The following CTNNA2 variants were observed in gnomAD, a reference collection of about 807,000 sequenced individuals.
The protein encoded by CTNNA2 is catenin alpha 2.
Under a neutral mutation model 101.0 loss-of-function variants are expected in CTNNA2, and 42 were observed. The observed-to-expected ratio is 0.42, with a 90% CI of 0.32 to 0.54. CTNNA2 has a LOEUF of 0.54. Among genes scored for constraint, CTNNA2 ranks in the 20% least tolerant of loss-of-function variants. The probability of loss-of-function intolerance (pLI) is 0.14; values close to 1 mark genes in which losing one functional copy is unlikely to be tolerated. For synonymous variants in CTNNA2, 450 were observed against 456.4 expected, an observed-to-expected ratio of 0.99 and a Z score of 0.18; for missense variants, 871 against 1,223.1, an observed-to-expected ratio of 0.71 and a Z score of 4.29.
At chr2:79,729,977 C>A (rs1041237661) in intron 2 of CTNNA2, among the ~76,000 whole-genome samples, 1 of 152,098 alleles carries the variant, frequency 6.6e-6, no homozygotes, top group Non-Finnish European at 1.5e-5. Context: ...GTATGTCCTG[C>A]ATACTGTAAT....
intron 7 of CTNNA2, among the ~76,000 whole-genome samples, chr2:80,110,248 A>G (rs1478091011): frequency 6.6e-6 from 1 of 152,170 alleles, no homozygotes; most frequent in Non-Finnish European, 1.5e-5. Context: ...ACAATCATTG[A>G]GTGGGTATCT....
chr2:79,908,896 G>C (rs562242753), intron 6 of CTNNA2, among the ~76,000 whole-genome samples: 5 of 152,272 alleles, frequency 3.3e-5, no homozygotes, highest in African/African-American at 9.6e-5. Context: ...CTAAAACTTG[G>C]CTGGGGAAAT....
intron 3 of CTNNA2, among the ~76,000 whole-genome samples, chr2:79,324,726 TACACACTACACACACAC>T (rs149341465): frequency 0.11 from 16,950 of 151,022 alleles, 1,141 homozygotes; most frequent in Middle Eastern, 0.22. Context: ...ACACACCCAC[TACACACTACACACACAC>T]ACACACGTAC....
chr2:79,531,281 T>G (rs1573261907), intron 1 of CTNNA2, among the ~76,000 whole-genome samples: 1 of 149,844 alleles, frequency 6.7e-6, no homozygotes, highest in East Asian at 2.0e-4. Context: ...TCTTAGTTTA[T>G]TCTTTCATTT....
At chr2:79,911,312 G>A (rs191566282) in intron 7 of CTNNA2, among the ~76,000 whole-genome samples, 208 of 152,296 alleles carry the variant, frequency 1.4e-3, no homozygotes, top group African/African-American at 4.9e-3. Flanking sequence ...TTTACATTAA[G>A]GCACGCTAGT....
chr2:79,382,071 G>GT (rs1678045861), intron 4 of CTNNA2, among the ~76,000 whole-genome samples: 1 of 152,092 alleles, frequency 6.6e-6, no homozygotes, highest in Admixed American at 6.6e-5. Flanking sequence ...ACCCTCACTA[G>GT]TGGGGGTAGG....
chr2:80,118,794 G>T (rs1701668563), intron 7 of CTNNA2, among the ~76,000 whole-genome samples: 1 of 152,218 alleles, frequency 6.6e-6, no homozygotes. Flanking sequence ...AGGCAGAAAG[G>T]CCTGTAGGGG....
chr2:79,602,158 G>T (rs1190046014), intron 1 of CTNNA2, among the ~76,000 whole-genome samples: 2 of 152,166 alleles, frequency 1.3e-5, no homozygotes, highest in South Asian at 4.1e-4. Context: ...AGACCATCTA[G>T]AGTTATAGGT....
At chr2:79,826,093 G>A (rs1054942715) in intron 3 of CTNNA2, among the ~76,000 whole-genome samples, 8 of 152,138 alleles carry the variant, frequency 5.3e-5, no homozygotes, top group Non-Finnish European at 4.4e-5. Flanking sequence ...TGGCGTATAT[G>A]TTAGCAAGTA....
intron 7 of CTNNA2, among the ~76,000 whole-genome samples, chr2:80,230,037 T>G (rs1473911173): frequency 6.6e-6 from 1 of 152,156 alleles, no homozygotes; most frequent in Non-Finnish European, 1.5e-5. Context: ...AATTTTCAGT[T>G]GAATAACATG....
chr2:79,285,503 C>T (rs369259114), intron 2 of CTNNA2, among the ~76,000 whole-genome samples: 14 of 136,792 alleles, frequency 1.0e-4, no homozygotes, highest in East Asian at 4.3e-4. Flanking sequence ...GCCTTCATTT[C>T]GTTATGTACC....
At chr2:79,246,873 G>A (rs1426342089) in intron 2 of CTNNA2, among the ~76,000 whole-genome samples, 2 of 152,210 alleles carry the variant, frequency 1.3e-5, no homozygotes, top group African/African-American at 4.8e-5. Context: ...TAGAAGTAGA[G>A]GATGTACAAT....
At chr2:79,206,774 A>T (rs779611097) in intron 2 of CTNNA2, among the ~76,000 whole-genome samples, 9 of 152,132 alleles carry the variant, frequency 5.9e-5, no homozygotes, top group Non-Finnish European at 1.2e-4. Context: ...CTCTTTTAGC[A>T]TTCATCTCAT....
At chr2:80,224,714 G>T (rs1043001824) in intron 7 of CTNNA2, among the ~76,000 whole-genome samples, 4 of 152,050 alleles carry the variant, frequency 2.6e-5, no homozygotes, top group Non-Finnish European at 5.9e-5. Flanking sequence ...AAAGTGCTGG[G>T]ATTACAGGCA....
intron 4 of CTNNA2, among the ~76,000 whole-genome samples, chr2:79,420,785 C>T (rs1678533107): frequency 6.6e-6 from 1 of 152,092 alleles, no homozygotes; most frequent in South Asian, 2.1e-4. Context: ...AGCCGTTTCT[C>T]CTCCCTGAGC....
chr2:79,543,192 A>G (rs1186052095), intron 1 of CTNNA2, among the ~76,000 whole-genome samples: 15 of 152,176 alleles, frequency 9.9e-5, no homozygotes, highest in Admixed American at 9.8e-4. Flanking sequence ...GAACACGTTC[A>G]TAATTTTCCA....
chr2:80,308,035 C>T (rs568221709), intron 7 of CTNNA2, among the ~76,000 whole-genome samples: 20 of 152,272 alleles, frequency 1.3e-4, no homozygotes, highest in East Asian at 3.9e-4. Flanking sequence ...TATAGCTTGA[C>T]GGAGGGAAGA....
chr2:79,207,908 A>G (rs1232696192), intron 2 of CTNNA2, among the ~76,000 whole-genome samples: 1 of 152,154 alleles, frequency 6.6e-6, no homozygotes, highest in Non-Finnish European at 1.5e-5. Flanking sequence ...GTAGAGAGAA[A>G]AATTTGAGTG....
intron 3 of CTNNA2, among the ~76,000 whole-genome samples, chr2:79,834,700 G>A (rs1227698666): frequency 6.6e-6 from 1 of 151,730 alleles, no homozygotes; most frequent in Non-Finnish European, 1.5e-5. Flanking sequence ...GCCTATTGTT[G>A]TATAAATTTT....
Sources: allele counts gnomAD v4.1 joint callset (sites outside exome capture counted in the v4.1 genomes callset), GRCh38; gene constraint gnomAD v4.1.1; transcripts MANE v1.5; gene names NCBI Gene and HGNC (gene_info 2026-07-23, HGNC 2026-07-21).